COL20A1: variants seen among roughly 807,000 people sequenced by gnomAD.
COL20A1 encodes collagen alpha-1(XX) chain.
COL20A1 carries 164 observed loss-of-function variants against 152.9 expected under a neutral mutation model. The observed-to-expected ratio is 1.07, with a 90% CI of 0.94 to 1.22. The LOEUF (loss-of-function observed/expected upper bound fraction) is 1.22, where lower values mean the gene tolerates loss of function less well. COL20A1 is among the 50% of genes most tolerant of loss of function. The probability of loss-of-function intolerance (pLI) is 0.00; values close to 1 mark genes in which losing one functional copy is unlikely to be tolerated. For synonymous variants in COL20A1, 864 were observed against 756.0 expected (o/e 1.14, Z -2.34); for missense variants, 1,873 against 1,744.8 (o/e 1.07, Z -1.31).
At position 63,311,898 on chromosome 20, in the gene COL20A1, C is replaced by T. The variant is rs1347941122; in HGVS notation, c.1664-18C>T. ...TGGAGGCCGCGTGCTGGCCTTGAGGCTCTGCTGTGCTTTGCAGCCACCCTG... is the reference window on the plus strand; with the variant it reads ...TGGAGGCCGCGTGCTGGCCTTGAGGTTCTGCTGTGCTTTGCAGCCACCCTG... On this transcript the variant is annotated intron_variant, in intron 13 of 35. Coordinates refer to ENST00000358894, the MANE Select transcript of COL20A1 (RefSeq NM_020882.4). This position sits in a 1 kb window ranked among gnomAD's most constrained non-coding sequence, Gnocchi z 4.4. 1.3e-6 allele frequency: 2 copies of T among 1,527,100 alleles called. No individual in the cohort carries two copies. Among genetic ancestry groups the T allele is most frequent in the Admixed American group, 4.0e-5 (2 of 49,838 alleles). The allele number at this position is 1,527,100 out of a possible 1,614,324, so 94.6% of individuals were successfully genotyped here. A position where few individuals can be genotyped will look rare whatever the true frequency, so the allele number is the denominator to read the frequency against.
At chr20:63,325,404 C>G in intron 27 of COL20A1, 37 bp from the exon 28 acceptor site, 1 of 1,528,700 alleles carries the variant, frequency 6.5e-7, no homozygotes, top group Non-Finnish European at 9.1e-7. Context: ...CCCTGTGCCC[C>G]CTCCGCTTCG....
At position 63,320,537 on chromosome 20, in the gene COL20A1, G is replaced by A. The variant is rs574315239; in HGVS notation, c.3153+169G>A. On this transcript the variant is annotated intron_variant, in intron 25 of 35. Coordinates refer to ENST00000358894, the MANE Select transcript of COL20A1 (RefSeq NM_020882.4). ...CAGGGCCAGTGGATGAGCCCAGAGG[G>A]GCTGGACAGAGAGTCCTGGAGGCCC... Among the ~76,000 whole-genome samples, 196 of 152,302 alleles carry A rather than the reference G, an allele frequency of 1.3e-3. 1 individual carries two copies. Among genetic ancestry groups the A allele is most frequent in the African/African-American group, 1.9e-3 (77 of 41,568 alleles).
At chr20:63,310,905 G>A (rs918324486) in intron 11 of COL20A1, among the ~76,000 whole-genome samples, 1 of 152,026 alleles carries the variant, frequency 6.6e-6, no homozygotes, top group Non-Finnish European at 1.5e-5. Context: ...CATACAACCT[G>A]CCCATTTAAA....
intron 14 of COL20A1, among the ~76,000 whole-genome samples, 174 bp from the exon 15 acceptor site, chr20:63,312,246 C>T (rs1002344014): frequency 2.6e-5 from 4 of 152,120 alleles, no homozygotes; most frequent in Admixed American, 6.5e-5. Context: ...GGGAGGCCCA[C>T]CCCAGCCGTC....
Position 63,316,626 on chromosome 20 carries a change from C to T in COL20A1, c.2598C>T (p.Pro866=). 6.3e-7 allele frequency: 1 copy of T among 1,580,804 alleles called. No homozygotes were observed. Residue 866 remains proline, a synonymous_variant, in exon 21 of 36, where the codon CCC becomes CCT. Coordinates refer to ENST00000358894, the MANE Select transcript of COL20A1 (RefSeq NM_020882.4). ...CCATCCGGGGCGTGGCCATGGAGCC[C>T]TCTGCCTTCGGTGGGACCCCGACCT... ...YASIRGVAME[P]SAFGGTPTFT...
intron 30 of COL20A1, among the ~76,000 whole-genome samples, chr20:63,326,410 C>T (rs1484860565): frequency 6.6e-6 from 1 of 152,196 alleles, no homozygotes; most frequent in Admixed American, 6.5e-5. Context: ...CTCCTGGCAT[C>T]GGCCTCGGGC....
chr20:63,331,836 C>G lies in COL20A1; in HGVS notation c.*1120C>G, dbSNP rs1372794754. On this transcript the variant is annotated 3_prime_UTR_variant, in exon 36 of 36. Coordinates refer to ENST00000358894, the MANE Select transcript of COL20A1 (RefSeq NM_020882.4). ...ACCCTTGATATTGACAGAAGGAAAACCCACCAAGATCACCAGTGCAGCATT... is the reference window on the plus strand; with the variant it reads ...ACCCTTGATATTGACAGAAGGAAAAGCCACCAAGATCACCAGTGCAGCATT... 1 of 152,166 alleles carries G rather than the reference C, an allele frequency of 6.6e-6. No individual in the cohort carries two copies. Among genetic ancestry groups the G allele is most frequent in the African/African-American group, 2.4e-5 (1 of 41,402 alleles). The allele number at this position is 152,166 out of a possible 1,614,324, so 9.4% of individuals were successfully genotyped here.
intron 27 of COL20A1, among the ~76,000 whole-genome samples, chr20:63,323,039 C>A (rs1208188312): frequency 6.6e-6 from 1 of 152,250 alleles, no homozygotes; most frequent in African/African-American, 2.4e-5. Context: ...CGAGGCGCTC[C>A]CCCGCGACGA....
chr20:63,318,564 G>A lies in COL20A1; in HGVS notation c.2664-494G>A, dbSNP rs76694523. Among the ~76,000 whole-genome samples the A allele has an allele frequency of 5.5e-3, 844 of 152,252 alleles. 31 individuals are homozygous for A. In the East Asian group the frequency reaches 0.091, roughly 16 times the overall value. On this transcript the variant is annotated intron_variant, in intron 21 of 35. Coordinates refer to ENST00000358894, the MANE Select transcript of COL20A1 (RefSeq NM_020882.4). The stretch of plus-strand genomic sequence containing the variant: ...AGTGTGAGTCGGGGGAGCTGCTCCC[G>A]AGAGCAGAGCTGCCTTTCAGTAGTG...
intron 34 of COL20A1, among the ~76,000 whole-genome samples, 153 bp downstream of exon 34, chr20:63,328,651 CG>C (rs2068290062): frequency 6.6e-6 from 1 of 152,194 alleles, no homozygotes; most frequent in Non-Finnish European, 1.5e-5. Context: ...GGTGAGGACA[CG>C]GGGCTTCCCT....
chr20:63,297,945 G>A lies in COL20A1; in HGVS notation c.118G>A (p.Asp40Asn), dbSNP rs1247856481. ...GLLRLAVLPE[D>N]RLQMKWRESE... Reference sequence around the variant, plus strand: ...CCTGAGGCTGGCTGTGCTGCCTGAGGACCGGCTGCAGATGAAGTGGAGAGA... The same window carrying A: ...CCTGAGGCTGGCTGTGCTGCCTGAGAACCGGCTGCAGATGAAGTGGAGAGA... Residue 40 changes from aspartate to asparagine, a missense_variant, in exon 3 of 36, where the codon GAC (aspartate) becomes AAC (asparagine). Asp to Asn is a conservative substitution (Grantham distance 23). Transcript: ENST00000358894. 1 of 1,613,216 alleles carries A rather than the reference G, an allele frequency of 6.2e-7. No individual in the cohort carries two copies. Among genetic ancestry groups the A allele is most frequent in the Non-Finnish European group, 8.5e-7 (1 of 1,179,852 alleles).
Position 63,309,802 on chromosome 20 carries a change from GT to G in COL20A1, c.1151del (p.Val384AlafsTer2), listed in dbSNP as rs2067980183. 6.2e-7 allele frequency: 1 copy of G among 1,607,544 alleles called. No individual in the cohort carries two copies. Among genetic ancestry groups the G allele is most frequent in the East Asian group, 2.2e-5 (1 of 44,668 alleles). On this transcript the variant is annotated frameshift_variant, in exon 10 of 36. Coordinates refer to ENST00000358894, the MANE Select transcript of COL20A1 (RefSeq NM_020882.4). LOFTEE classifies it high-confidence loss of function. Reference sequence around the variant, plus strand: ...CACCCTCCCTGCCCCCACCAGCCTGGTCCTGAGCCAGGTGACCTCCTCCAGC... The same window carrying G: ...CACCCTCCCTGCCCCCACCAGCCTGGCCTGAGCCAGGTGACCTCCTCCAGC... ...LDTLPAPTSLVLSQVTSSSIR... is the reference protein window; with the variant it reads ...LDTLPAPTSLXLSQVTSSSIR...
rs2068173557 is a variant in COL20A1, at chr20:63,322,127, C to T, written c.3294+16C>T. 6.7e-7 allele frequency: 1 copy of T among 1,494,092 alleles called. No individual in the cohort carries two copies. The highest frequency in any genetic ancestry group is 2.6e-5 in the Admixed American group (1 of 38,362). The allele number at this position is 1,494,092 out of a possible 1,614,324, so 92.6% of individuals were successfully genotyped here. ...AGGGCCCAGGGTAAGTTTTGGGGAG[C>T]CCTGGGAGGTGAGGGGCCTGGATCG... On this transcript the variant is annotated intron_variant, in intron 27 of 35. Transcript: ENST00000358894.
At position 63,319,127 on chromosome 20, in the gene COL20A1, A is replaced by G. The variant is rs763537505; in HGVS notation, c.2733A>G (p.Thr911=). ...IVFLVRLLPE[T]PREAFALWQM... is the part of the protein sequence containing the mutation. ...TCCTTGTGCGCCTACTTCCCGAGACACCCCGTGAGGCCTTCGCGCTGTGGC... is the reference window on the plus strand; with the variant it reads ...TCCTTGTGCGCCTACTTCCCGAGACGCCCCGTGAGGCCTTCGCGCTGTGGC... Residue 911 remains threonine, a synonymous_variant, in exon 22 of 36, where the codon ACA becomes ACG. Transcript: ENST00000358894. The surrounding 1 kb of genome is among the most constrained non-coding windows in gnomAD (Gnocchi z 4.4). 1.2e-6 allele frequency: 2 copies of G among 1,611,074 alleles called. No individual in the cohort carries two copies. Among genetic ancestry groups the G allele is most frequent in the Non-Finnish European group, 1.7e-6 (2 of 1,179,320 alleles).
At position 63,308,632 on chromosome 20, in the gene COL20A1, A is replaced by G. The variant is rs2067962410; in HGVS notation, c.866A>G (p.Asp289Gly). 1.9e-6 allele frequency: 3 copies of G among 1,606,984 alleles called. 1 individual carries two copies. The highest frequency in any genetic ancestry group is 2.2e-5 in the South Asian group (2 of 89,834). ...GCCAAGGTGGTGATTCTGGTGACGGACGGCAAGTCCCAGGACGATGTGCAC... is the reference window on the plus strand; with the variant it reads ...GCCAAGGTGGTGATTCTGGTGACGGGCGGCAAGTCCCAGGACGATGTGCAC... The part of the protein sequence containing the change: ...EAAKVVILVT[D>G]GKSQDDVHTA... Residue 289 changes from aspartate (D) to glycine (G), a missense_variant, in exon 8 of 36, where the codon GAC becomes GGC. By Grantham distance (94) the Asp-to-Gly change is moderately conservative (BLOSUM62 -1). Coordinates refer to ENST00000358894, the MANE Select transcript of COL20A1 (RefSeq NM_020882.4).
rs1281436979 is a variant in COL20A1 at position 63,319,526 on chromosome 20, G to A, written c.2846G>A (p.Arg949Lys). ...KSLTYFHRDPRAALQEATFDP... is the reference protein window; with the variant it reads ...KSLTYFHRDPKAALQEATFDP... ...CTGACCTACTTCCACCGTGACCCCAGGGCTGCCTTGCAGGAGGCCACCTTC... is the reference window on the plus strand; with the variant it reads ...CTGACCTACTTCCACCGTGACCCCAAGGCTGCCTTGCAGGAGGCCACCTTC... Residue 949 changes from arginine (R) to lysine (K), a missense_variant, in exon 23 of 36, where the codon AGG (arginine) becomes AAG (lysine). By Grantham distance (26) the Arg-to-Lys change is conservative. Transcript: ENST00000358894. The surrounding 1 kb of genome is among the most constrained non-coding windows in gnomAD (Gnocchi z 4.4). The A allele has an allele frequency of 1.3e-6, 2 of 1,595,472 alleles. No individual in the cohort carries two copies. The highest frequency in any genetic ancestry group is 4.6e-5 in the East Asian group (2 of 43,908).
Position 63,309,785 on chromosome 20 carries a change from C to T in COL20A1, c.1133C>T (p.Pro378Leu). The T allele has an allele frequency of 6.3e-7, 1 of 1,599,084 alleles. No homozygotes were observed. Among genetic ancestry groups the T allele is most frequent in the Non-Finnish European group, 8.5e-7 (1 of 1,174,130 alleles). The change falls in exon 10 of 36, where the codon CCT becomes CTT. Residue 378 changes from proline to leucine, a missense_variant. Physicochemically the swap from Pro to Leu is moderately conservative, Grantham distance 98. Transcript: ENST00000358894. ...PAAAPALDTL[P>L]APTSLVLSQV... is the part of the protein sequence containing the mutation. ...GCGGCTCCAGCCCTGGACACCCTCC[C>T]TGCCCCCACCAGCCTGGTCCTGAGC...
intron 31 of COL20A1, chr20:63,327,633 G>C (rs1039125680): frequency 7.7e-6 from 3 of 387,606 alleles, no homozygotes; most frequent in African/African-American, 4.1e-5. Context: ...GGCCCGGGAG[G>C]GGTCTGTTCT....
At chr20:63,301,752 C>T (rs891007425) in intron 3 of COL20A1, among the ~76,000 whole-genome samples, 1 of 152,090 alleles carries the variant, frequency 6.6e-6, no homozygotes, top group African/African-American at 2.4e-5. Context: ...ATTAAATCTC[C>T]TTTCTCCTTC....
Sources: gnomAD v4.1 joint callset for allele counts (sites outside exome capture counted in the v4.1 genomes callset) on GRCh38, gnomAD v4.1.1 for gene constraint, Gnocchi (gnomAD v3.1) non-coding constraint, MANE v1.5 for transcripts, NCBI Gene and HGNC (gene_info 2026-07-23, HGNC 2026-07-21) for gene names.